BCAP31: variants seen among roughly 807,000 people sequenced by gnomAD.
BCAP31 encodes the protein B-cell receptor-associated protein 31.
For synonymous variants in BCAP31, 75 were observed against 80.9 expected (o/e 0.93, Z 0.39); for missense variants, 124 against 193.0 (o/e 0.64, Z 2.12).
rs782645886 is a variant in BCAP31 at position 153,702,817 on chromosome X, A to G, written c.601+118T>C. On this transcript the variant is annotated intron_variant, in intron 6 of 7. Coordinates refer to ENST00000345046, the MANE Select transcript of BCAP31 (RefSeq NM_001256447.2). ...GGGTGCTATTGGTCTGTTTTCAGCCAGCCCTCGAGCGTGCGTGCAAGGCTT... is the reference window on the plus strand; with the variant it reads ...GGGTGCTATTGGTCTGTTTTCAGCCGGCCCTCGAGCGTGCGTGCAAGGCTT... 4.6e-5 allele frequency: 47 copies of G among 1,028,277 alleles called. No individual in the cohort carries two copies. In the South Asian group the frequency reaches 8.9e-4, roughly 19 times the overall value. 84.7% of individuals were successfully genotyped at this position (1,028,277 alleles called of 1,213,427 possible).
intron 3 of BCAP31, among the ~76,000 whole-genome samples, chrX:153,716,721 C>T (rs2091631729): frequency 8.9e-6 from 1 of 111,888 alleles, no homozygotes; most frequent in Non-Finnish European, 1.9e-5. Flanking sequence ...GATCACACCA[C>T]TGCATTCCAG....
At chrX:153,718,233 G>A (rs1373853220) in intron 3 of BCAP31, among the ~76,000 whole-genome samples, 6 of 106,006 alleles carry the variant, frequency 5.7e-5, no homozygotes, top group Non-Finnish European at 7.7e-5. Context: ...AGGGGAAATC[G>A]CTTGAACCTG....
At chrX:153,723,647 G>A (rs1476174842) in intron 1 of BCAP31, 3 of 1,162,677 alleles carry the variant, frequency 2.6e-6, no homozygotes, top group Non-Finnish European at 2.3e-6. Flanking sequence ...ACCAAGAGGA[G>A]GACGCCTCGG....
At chrX:153,723,962 C>A (rs1557051709) in intron 1 of BCAP31, 1 of 449,750 alleles carries the variant, frequency 2.2e-6, no homozygotes. Flanking sequence ...CACCTCAAGG[C>A]CCCATACGGA....
intron 4 of BCAP31, 29 bp from the exon 5 acceptor site, chrX:153,704,123 A>G: frequency 1.7e-6 from 2 of 1,193,261 alleles, no homozygotes; most frequent in Non-Finnish European, 2.3e-6. Context: ...AGAAGGGAGA[A>G]GTGAGAAAAA....
chrX:153,706,877 T>A (rs1490161556), intron 4 of BCAP31, among the ~76,000 whole-genome samples: 11 of 111,597 alleles, frequency 9.9e-5, no homozygotes, highest in Non-Finnish European at 1.9e-4. Flanking sequence ...TGCTGGCGCC[T>A]CCTCCCTATC....
At chrX:153,703,337 T>C (rs1454054145) in intron 5 of BCAP31, among the ~76,000 whole-genome samples, 1 of 112,941 alleles carries the variant, frequency 8.9e-6, no homozygotes, top group Admixed American at 9.2e-5. Flanking sequence ...CCCCTGGCCC[T>C]GCCTCCTTCC....
chrX:153,721,138 A>G, intron 2 of BCAP31, 166 bp from the exon 3 acceptor site: 3 of 445,348 alleles, frequency 6.7e-6, no homozygotes, highest in Non-Finnish European at 1.2e-5. Context: ...CATCCATTCA[A>G]GACTATTGGA....
intron 3 of BCAP31, among the ~76,000 whole-genome samples, chrX:153,718,070 C>T (rs1557050403): frequency 1.8e-5 from 2 of 111,579 alleles, no homozygotes; most frequent in Non-Finnish European, 1.9e-5. Flanking sequence ...AATTTCAGCA[C>T]TTTGGGAGGC....
chrX:153,720,776 C>G (rs2091659502), intron 3 of BCAP31, 96 bp downstream of exon 3: 10 of 820,240 alleles, frequency 1.2e-5, no homozygotes, highest in Admixed American at 2.6e-5. Context: ...CTCCTAGCAG[C>G]CAAAACTGGA....
intron 3 of BCAP31, among the ~76,000 whole-genome samples, chrX:153,717,652 C>T (rs187890541): frequency 2.0e-4 from 23 of 112,534 alleles, no homozygotes; most frequent in Non-Finnish European, 3.9e-4. Flanking sequence ...AACTCCTGAG[C>T]GCAAGCAACT....
chrX:153,721,614 G>A (rs1347127012), intron 2 of BCAP31, among the ~76,000 whole-genome samples: 2 of 105,854 alleles, frequency 1.9e-5, no homozygotes, highest in African/African-American at 6.9e-5. Context: ...TTGGCTGGGC[G>A]CACTGGCTCA....
chrX:153,704,325 G>C (rs1557048000), intron 4 of BCAP31, among the ~76,000 whole-genome samples: 1 of 112,293 alleles, frequency 8.9e-6, no homozygotes, highest in East Asian at 2.8e-4. Context: ...GCTCTCAGAG[G>C]GGCTGGAAGC....
chrX:153,704,450 C>T (rs2091540831), intron 4 of BCAP31, among the ~76,000 whole-genome samples: 1 of 112,282 alleles, frequency 8.9e-6, no homozygotes, highest in South Asian at 3.7e-4. Flanking sequence ...TTCCTCCCTG[C>T]GAGGCTGGGC....
chrX:153,715,574 G>C lies in BCAP31; in HGVS notation c.309C>G (p.Leu103=), dbSNP rs142876751. ...GCAGCAAGGAAAAGCCAGCAATGTA[G>C]AGATTCCTCTGGGCACGGAAAAGCT... ...HMKLFRAQRN[L]YIAGFSLLLS... Residue 103 remains leucine, a synonymous_variant, in exon 4 of 8, where the codon CTC becomes CTG. Coordinates refer to ENST00000345046, the MANE Select transcript of BCAP31 (RefSeq NM_001256447.2). 2.3e-5 allele frequency: 28 copies of C among 1,209,787 alleles called. No individual in the cohort carries two copies. The African/African-American group carries it at 4.6e-4, about 20-fold the overall frequency.
chrX:153,702,679 G>A (rs2091526490), intron 6 of BCAP31, among the ~76,000 whole-genome samples: 2 of 112,466 alleles, frequency 1.8e-5, no homozygotes, highest in Admixed American at 1.9e-4. Context: ...CTGCTCTAGT[G>A]CAGGGCAATC....
intron 2 of BCAP31, among the ~76,000 whole-genome samples, chrX:153,721,443 A>C (rs1253814270): frequency 2.8e-5 from 3 of 107,669 alleles, no homozygotes. Flanking sequence ...CTCAAAAAAA[A>C]AAAAAAAAAA....
intron 4 of BCAP31, among the ~76,000 whole-genome samples, chrX:153,712,662 T>C (rs1216615491): frequency 3.6e-5 from 4 of 111,748 alleles, no homozygotes; most frequent in Admixed American, 9.5e-5. Context: ...AAAAAAGCCA[T>C]GAGGTTGGTC....
chrX:153,721,467 C>T (rs1349085251), intron 2 of BCAP31, among the ~76,000 whole-genome samples: 1 of 101,535 alleles, frequency 9.8e-6, no homozygotes, highest in Non-Finnish European at 2.0e-5. Context: ...TGCTGGTCCA[C>T]GTATAGATCA....
Sources: gnomAD v4.1 joint callset for allele counts (sites outside exome capture counted in the v4.1 genomes callset) on GRCh38, gnomAD v4.1.1 for gene constraint, MANE v1.5 for transcripts, NCBI Gene and HGNC (gene_info 2026-07-23, HGNC 2026-07-21) for gene names.